DICER1: variants seen among roughly 807,000 people sequenced by gnomAD.
DICER1 encodes dicer 1, ribonuclease III, also known as endoribonuclease Dicer.
In DICER1, 43 loss-of-function variants were observed where a neutral mutation model predicts 194.1. That is an observed-to-expected ratio of 0.22 (90% CI 0.17 to 0.29). The LOEUF is 0.29. Ranked by LOEUF, DICER1 falls within the 10% of genes least tolerant of loss-of-function variation. The pLI is 1.00. For missense variants in DICER1, 1,608 were observed against 2,317.0 expected (o/e 0.69, Z 6.28); for synonymous variants, 832 against 820.5 (o/e 1.01, Z -0.24).
intron 8 of DICER1, among the ~76,000 whole-genome samples, chr14:95,119,657 T>C (rs962705277): frequency 6.6e-6 from 1 of 152,250 alleles, no homozygotes; most frequent in Non-Finnish European, 1.5e-5. Context: ...ACCAGCAAAG[T>C]ATACTGTTCC....
intron 1 of DICER1, among the ~76,000 whole-genome samples, chr14:95,156,527 T>G (rs1289392000): frequency 6.6e-6 from 1 of 152,220 alleles, no homozygotes; most frequent in Non-Finnish European, 1.5e-5. Flanking sequence ...TCAGGGCAAC[T>G]CAGCTTTTCT....
chr14:95,119,950 G>A (rs969943309), intron 8 of DICER1, among the ~76,000 whole-genome samples: 1 of 152,096 alleles, frequency 6.6e-6, no homozygotes, highest in Non-Finnish European at 1.5e-5. Flanking sequence ...TACTTTGTGT[G>A]TATATGTACA....
At chr14:95,151,176 A>G (rs1052080784) in intron 1 of DICER1, among the ~76,000 whole-genome samples, 16 of 152,208 alleles carry the variant, frequency 1.1e-4, no homozygotes, top group Non-Finnish European at 1.5e-4. Flanking sequence ...TTATTTAGGG[A>G]AAGTTAAGAG....
In DICER1 at chr14:95,129,647, G is replaced by T; in HGVS notation, c.574-15C>A. The T allele has an allele frequency of 6.2e-7, 1 of 1,607,382 alleles. No homozygotes were observed. On this transcript the variant is annotated splice_polypyrimidine_tract_variant and intron_variant, in intron 5 of 26. Transcript: ENST00000343455. ...TTTTCACAGAGCTAACATAATAAAA[G>T]ATACTGACAGTAAAGACTTCATTTT...
chr14:95,099,764 ACACACAC>A lies in DICER1; in HGVS notation c.4206+9_4206+15del, dbSNP rs199508452. ...CACACACACACACACACACACACAC[ACACACAC>A]AAACTTACCATTTCATCTTTTTCCC... is the stretch of plus-strand genomic sequence containing the variant. On this transcript the variant is annotated intron_variant, in intron 22 of 26. Transcript: ENST00000343455. The A allele has an allele frequency of 4.9e-3, 5,957 of 1,212,756 alleles. 72 individuals carry two copies. Among genetic ancestry groups the A allele is most frequent in the African/African-American group, 0.02 (1,205 of 59,036 alleles). 75.1% of individuals were successfully genotyped at this position (1,212,756 alleles called of 1,614,324 possible). A position where few individuals can be genotyped will look rare whatever the true frequency, so the allele number is the denominator to read the frequency against.
At chr14:95,102,381 C>T (rs973380701) in intron 21 of DICER1, among the ~76,000 whole-genome samples, 1 of 152,186 alleles carries the variant, frequency 6.6e-6, no homozygotes, top group African/African-American at 2.4e-5. Context: ...ACAGTGCCTA[C>T]AACATTCAAA....
At chr14:95,151,639 C>T (rs80305747) in intron 1 of DICER1, among the ~76,000 whole-genome samples, 7,618 of 152,206 alleles carry the variant, frequency 0.05, 270 homozygotes, top group Non-Finnish European at 0.072. Flanking sequence ...GTCTCTCTGA[C>T]GCCAAACACT....
chr14:95,103,295 T>G (rs1013242911), intron 21 of DICER1, 51 bp downstream of exon 21: 1 of 1,581,566 alleles, frequency 6.3e-7, no homozygotes, highest in Admixed American at 1.7e-5. Flanking sequence ...GCAAACCACT[T>G]TCAGGCACAC....
intron 8 of DICER1, among the ~76,000 whole-genome samples, chr14:95,120,425 T>G (rs1242854019): frequency 2.6e-5 from 4 of 152,212 alleles, no homozygotes; most frequent in African/African-American, 9.7e-5. Flanking sequence ...ATTTCCATTT[T>G]ACGAATGAAC....
chr14:95,140,447 C>T (rs1293527378), intron 1 of DICER1, among the ~76,000 whole-genome samples: 1 of 152,086 alleles, frequency 6.6e-6, no homozygotes, highest in Non-Finnish European at 1.5e-5. Flanking sequence ...AAAGGTCATA[C>T]CATATAGCCT....
At chr14:95,138,817 T>A (rs1595483794) in intron 1 of DICER1, among the ~76,000 whole-genome samples, 1 of 46,670 alleles carries the variant, frequency 2.1e-5, no homozygotes, top group African/African-American at 9.0e-5. Flanking sequence ...GGGACTGTGG[T>A]GGGGTCGGGG....
At chr14:95,090,831 G>C in intron 26 of DICER1, 168 bp from the exon 27 acceptor site, 1 of 972,218 alleles carries the variant, frequency 1.0e-6, no homozygotes, top group East Asian at 2.5e-5. Flanking sequence ...GACAGACAGG[G>C]CTGCCGTCTA....
chr14:95,151,902 CT>C (rs905140015), intron 1 of DICER1, among the ~76,000 whole-genome samples: 1 of 152,190 alleles, frequency 6.6e-6, no homozygotes, highest in Non-Finnish European at 1.5e-5. Context: ...CGACTACTAC[CT>C]TTCTTTTTCC....
chr14:95,150,717 T>G (rs138582716), intron 1 of DICER1, among the ~76,000 whole-genome samples: 12 of 152,306 alleles, frequency 7.9e-5, no homozygotes, highest in African/African-American at 2.4e-4. Context: ...TAATTACAAA[T>G]GAAAACTAGT....
intron 1 of DICER1, among the ~76,000 whole-genome samples, chr14:95,143,884 T>C (rs977656735): frequency 3.9e-5 from 6 of 152,158 alleles, no homozygotes; most frequent in African/African-American, 1.4e-4. Flanking sequence ...ATAATAAAAT[T>C]CCATTTCTTA....
chr14:95,156,955 G>C (rs1355591510), intron 1 of DICER1, among the ~76,000 whole-genome samples: 4 of 152,130 alleles, frequency 2.6e-5, no homozygotes, highest in Non-Finnish European at 5.9e-5. Flanking sequence ...ACCACGCCAC[G>C]GCGGCCCGGA....
chr14:95,127,255 G>C (rs889490063), intron 6 of DICER1, among the ~76,000 whole-genome samples: 4 of 152,130 alleles, frequency 2.6e-5, no homozygotes, highest in Non-Finnish European at 4.4e-5. Context: ...ACAGCATTAT[G>C]ATCCATTTAT....
chr14:95,116,058 G>GACACAGAC (rs1555372723), intron 10 of DICER1, among the ~76,000 whole-genome samples: 5 of 142,952 alleles, frequency 3.5e-5, no homozygotes, highest in African/African-American at 1.3e-4. Context: ...TGCCTACACA[G>GACACAGAC]ACACACACAC....
At chr14:95,127,727 T>C (rs1449206941) in intron 6 of DICER1, among the ~76,000 whole-genome samples, 1 of 152,258 alleles carries the variant, frequency 6.6e-6, no homozygotes, top group East Asian at 1.9e-4. Context: ...GCTCAATCTG[T>C]ACTACGCTTG....
Sources: allele counts gnomAD v4.1 joint callset (sites outside exome capture counted in the v4.1 genomes callset), GRCh38; gene constraint gnomAD v4.1.1; transcripts MANE v1.5; gene names NCBI Gene and HGNC (gene_info 2026-07-23, HGNC 2026-07-21).